RIMS2: variants seen among roughly 807,000 people sequenced by gnomAD.
RIMS2 encodes regulating synaptic membrane exocytosis 2.
A neutral mutation model predicts 174.4 loss-of-function variants in RIMS2; 59 were observed. The observed-to-expected ratio is 0.34, with a 90% CI of 0.27 to 0.42. The LOEUF (loss-of-function observed/expected upper bound fraction) is 0.42. RIMS2 is among the 10% of genes least tolerant of loss of function. The pLI is 1.00. For missense variants in RIMS2, 1,620 were observed against 1,666.3 expected (o/e 0.97, Z 0.48); for synonymous variants, 606 against 572.5 (o/e 1.06, Z -0.84).
intron 13 of RIMS2, among the ~76,000 whole-genome samples, chr8:103,942,146 C>A (rs1345418487): frequency 3.3e-5 from 5 of 152,138 alleles, no homozygotes; most frequent in Admixed American, 3.3e-4. Flanking sequence ...CCTCCTCCTA[C>A]CCTCTACCCT....
intron 3 of RIMS2, among the ~76,000 whole-genome samples, chr8:103,810,588 T>G (rs1394295347): frequency 1.3e-5 from 2 of 151,832 alleles, no homozygotes; most frequent in African/African-American, 4.8e-5. Context: ...TAATGTCCTT[T>G]AAAAATTTTT....
intron 2 of RIMS2, among the ~76,000 whole-genome samples, chr8:103,718,954 A>G (rs2097409590): frequency 6.6e-6 from 1 of 152,100 alleles, no homozygotes; most frequent in Admixed American, 6.5e-5. Context: ...CCCTCCTCCA[A>G]CAGACATTTT....
intron 19 of RIMS2, among the ~76,000 whole-genome samples, chr8:104,238,571 A>C (rs188209179): frequency 2.6e-5 from 4 of 152,256 alleles, no homozygotes; most frequent in Admixed American, 1.3e-4. Flanking sequence ...AATTTTAGGA[A>C]TTAAAGGAGC....
intron 17 of RIMS2, among the ~76,000 whole-genome samples, chr8:103,993,558 A>G (rs1312530360): frequency 3.3e-5 from 5 of 152,216 alleles, no homozygotes; most frequent in Non-Finnish European, 7.3e-5. Context: ...TGAAGGAAAC[A>G]TATCTCTGAT....
At chr8:104,157,817 A>G (rs538111178) in intron 19 of RIMS2, among the ~76,000 whole-genome samples, 2 of 152,226 alleles carry the variant, frequency 1.3e-5, no homozygotes, top group Admixed American at 6.5e-5. Flanking sequence ...CCTCCTTTCA[A>G]TTATTTTGGG....
intron 1 of RIMS2, among the ~76,000 whole-genome samples, chr8:103,563,430 A>G (rs2091911707): frequency 3.9e-5 from 6 of 152,196 alleles, no homozygotes; most frequent in Admixed American, 3.9e-4. Context: ...GCTAAAACAT[A>G]ACAATAGTCA....
intron 19 of RIMS2, among the ~76,000 whole-genome samples, chr8:104,132,168 T>G (rs2098479012): frequency 6.6e-6 from 1 of 152,182 alleles, no homozygotes; most frequent in South Asian, 2.1e-4. Context: ...ATAAATGCAT[T>G]TTAGAGTATT....
chr8:103,658,883 G>A (rs2096563257), intron 1 of RIMS2, among the ~76,000 whole-genome samples: 1 of 152,146 alleles, frequency 6.6e-6, no homozygotes, highest in Non-Finnish European at 1.5e-5. Flanking sequence ...TTTCTTTGCT[G>A]TGTCTACTCA....
intron 3 of RIMS2, among the ~76,000 whole-genome samples, chr8:103,870,189 A>G (rs1207778267): frequency 1.3e-5 from 2 of 149,662 alleles, no homozygotes; most frequent in African/African-American, 4.9e-5. Context: ...TTTACCAGCT[A>G]TGTGATTTTA....
At chr8:103,668,458 G>A (rs1363699602) in intron 1 of RIMS2, among the ~76,000 whole-genome samples, 1 of 152,140 alleles carries the variant, frequency 6.6e-6, no homozygotes, top group Non-Finnish European at 1.5e-5. Context: ...ACAATGGAAT[G>A]AAATCTTTCT....
chr8:104,134,107 G>T (rs1426551025), intron 19 of RIMS2, among the ~76,000 whole-genome samples: 1 of 151,992 alleles, frequency 6.6e-6, no homozygotes, highest in Non-Finnish European at 1.5e-5. Flanking sequence ...GTGAAAAAAT[G>T]GAATTAAAAG....
intron 15 of RIMS2, among the ~76,000 whole-genome samples, chr8:103,964,039 C>G (rs1380351728): frequency 1.3e-5 from 2 of 152,122 alleles, no homozygotes; most frequent in Non-Finnish European, 2.9e-5. Flanking sequence ...ATTCCATTGT[C>G]TGGATATACC....
At chr8:104,097,674 A>G (rs1173902470) in intron 19 of RIMS2, among the ~76,000 whole-genome samples, 1 of 152,082 alleles carries the variant, frequency 6.6e-6, no homozygotes, top group Non-Finnish European at 1.5e-5. Flanking sequence ...TTTGATTTAA[A>G]GGTTACTGTG....
At chr8:103,622,346 T>C (rs1378245452) in intron 1 of RIMS2, among the ~76,000 whole-genome samples, 1 of 152,142 alleles carries the variant, frequency 6.6e-6, no homozygotes, top group African/African-American at 2.4e-5. Context: ...TGTGAAGATA[T>C]TATCTGGAAG....
chr8:103,884,467 C>A (rs1251652658), intron 3 of RIMS2, among the ~76,000 whole-genome samples: 1 of 151,744 alleles, frequency 6.6e-6, no homozygotes, highest in African/African-American at 2.4e-5. Flanking sequence ...AACAGGGTAT[C>A]ATGTCTTATT....
intron 10 of RIMS2, among the ~76,000 whole-genome samples, chr8:103,923,178 T>A (rs770608385): frequency 1.3e-5 from 2 of 151,960 alleles, no homozygotes; most frequent in Non-Finnish European, 2.9e-5. Context: ...CTAATAAATG[T>A]TGTTTCTTAT....
intron 19 of RIMS2, among the ~76,000 whole-genome samples, chr8:104,091,762 T>C (rs1040000157): frequency 2.6e-5 from 4 of 151,480 alleles, no homozygotes; most frequent in African/African-American, 9.7e-5. Context: ...ATGTTTGGTA[T>C]TTTAAAATGA....
At chr8:103,577,086 A>T (rs2093299009) in intron 1 of RIMS2, among the ~76,000 whole-genome samples, 1 of 152,236 alleles carries the variant, frequency 6.6e-6, no homozygotes, top group Non-Finnish European at 1.5e-5. Context: ...GGATCTAATT[A>T]AACTAAAGAG....
intron 2 of RIMS2, among the ~76,000 whole-genome samples, chr8:103,756,761 T>C (rs767897455): frequency 8.5e-5 from 13 of 152,122 alleles, no homozygotes; most frequent in Non-Finnish European, 1.9e-4. Context: ...TTAAAAATTT[T>C]ATTTAATGTT....
Sources: allele counts gnomAD v4.1 joint callset (sites outside exome capture counted in the v4.1 genomes callset), GRCh38; gene constraint gnomAD v4.1.1; transcripts MANE v1.5; gene names NCBI Gene and HGNC (gene_info 2026-07-23, HGNC 2026-07-21).